NR1H3: variants seen among roughly 807,000 people sequenced by gnomAD.
The protein encoded by NR1H3 is oxysterols receptor LXR-alpha.
A neutral mutation model predicts 48.1 loss-of-function variants in NR1H3; 19 were observed. The ratio of observed to expected loss-of-function variants is 0.40; its 90% CI spans 0.28 to 0.58. NR1H3 has a LOEUF of 0.58. Among genes scored for constraint, NR1H3 ranks in the 20% least tolerant of loss-of-function variants. The pLI is 0.50. For missense variants in NR1H3, 486 were observed against 595.9 expected (o/e 0.82, Z 1.92); for synonymous variants, 232 against 227.3 (o/e 1.02, Z -0.19).
chr11:47,263,416 A>C (rs865962706), intron 7 of NR1H3, among the ~76,000 whole-genome samples: 81 of 151,632 alleles, frequency 5.3e-4, no homozygotes, highest in African/African-American at 1.9e-3. Flanking sequence ...GGCATGCACC[A>C]CCATGCCAGG....
chr11:47,264,000 A>G (rs1392616933), intron 7 of NR1H3, among the ~76,000 whole-genome samples: 1 of 152,200 alleles, frequency 6.6e-6, no homozygotes, highest in Non-Finnish European at 1.5e-5. Flanking sequence ...GAATGCTTCC[A>G]TCTCCATCCT....
At chr11:47,262,324 A>T (rs1001973575) in intron 7 of NR1H3, among the ~76,000 whole-genome samples, 1 of 147,250 alleles carries the variant, frequency 6.8e-6, no homozygotes, top group Non-Finnish European at 1.5e-5. Flanking sequence ...GGTTGTAGTG[A>T]GCCAAGATCG....
At chr11:47,268,049 A>AACAGCAAGAGACTT in intron 8 of NR1H3, 23 bp downstream of exon 8, 1 of 1,576,818 alleles carries the variant, frequency 6.3e-7, no homozygotes, top group Non-Finnish European at 8.7e-7. Flanking sequence ...GGCAATGGGA[A>AACAGCAAGAGACTT]ACAGCAAGAG....
At chr11:47,255,850 G>A (rs1955122992), upstream of NR1H3, among the ~76,000 whole-genome samples, 1 of 150,844 alleles carries the variant, frequency 6.6e-6, no homozygotes, top group Admixed American at 6.6e-5. Context: ...TGTATTTTTA[G>A]TAGTGATGGG....
chr11:47,267,831 C>G, intron 7 of NR1H3, 82 bp from the exon 8 acceptor site: 1 of 985,036 alleles, frequency 1.0e-6, no homozygotes, highest in East Asian at 2.4e-5. Context: ...TTAGTGAGTT[C>G]CTAATAGTTC....
chr11:47,248,497 G>A, upstream of NR1H3: 1 of 1,550,498 alleles, frequency 6.4e-7, no homozygotes, highest in Non-Finnish European at 8.7e-7. Context: ...CGACGTATTC[G>A]GTCATCCTGA....
intron 7 of NR1H3, among the ~76,000 whole-genome samples, chr11:47,265,154 C>T (rs561080879): frequency 2.6e-5 from 4 of 152,088 alleles, no homozygotes; most frequent in Non-Finnish European, 4.4e-5. Context: ...ATTAGCTGGG[C>T]GTGGTGGTGC....
At chr11:47,255,531 CTTTCTTTCTT>C (rs1954998329), upstream of NR1H3, among the ~76,000 whole-genome samples, 1 of 132,056 alleles carries the variant, frequency 7.6e-6, no homozygotes. Context: ...GACTCTCTTT[CTTTCTTTCTT>C]TTTCTTTCTT....
intron 7 of NR1H3, among the ~76,000 whole-genome samples, chr11:47,266,676 C>T (rs1277145250): frequency 2.7e-5 from 4 of 148,860 alleles, no homozygotes; most frequent in African/African-American, 9.9e-5. Context: ...GAGTTTCGCT[C>T]TGTCATCCAG....
At chr11:47,265,226 G>C (rs1956339963) in intron 7 of NR1H3, among the ~76,000 whole-genome samples, 1 of 152,034 alleles carries the variant, frequency 6.6e-6, no homozygotes, top group Non-Finnish European at 1.5e-5. Context: ...CCAGAAGGCT[G>C]AGGTTGCAGT....
At chr11:47,248,864 C>A (rs889584166), upstream of NR1H3, 14 of 1,550,916 alleles carry the variant, frequency 9.0e-6, no homozygotes, top group Non-Finnish European at 1.1e-5. Flanking sequence ...CGGACGCACC[C>A]GTAAGGACAC....
At chr11:47,264,760 G>A (rs1236901601) in intron 7 of NR1H3, among the ~76,000 whole-genome samples, 2 of 152,176 alleles carry the variant, frequency 1.3e-5, no homozygotes, top group Non-Finnish European at 2.9e-5. Context: ...TGAGGTCTTG[G>A]GGAGAAGGAA....
chr11:47,257,948 T>C (rs1441943335), upstream of NR1H3: 2 of 984,970 alleles, frequency 2.0e-6, no homozygotes, highest in Non-Finnish European at 2.4e-6. Flanking sequence ...CCCTCGGCAG[T>C]CCCTCCCCTC....
At chr11:47,265,904 C>T (rs1226015156) in intron 7 of NR1H3, among the ~76,000 whole-genome samples, 2 of 152,128 alleles carry the variant, frequency 1.3e-5, no homozygotes, top group South Asian at 2.1e-4. Flanking sequence ...TTTACAAACA[C>T]TTATGTGGTA....
chr11:47,254,465 T>C (rs1411470732), upstream of NR1H3, among the ~76,000 whole-genome samples: 2 of 152,088 alleles, frequency 1.3e-5, no homozygotes, highest in African/African-American at 2.4e-5. Context: ...GAGTCCCTGG[T>C]TTCTGCTTTT....
upstream of NR1H3, chr11:47,257,790 A>G (rs1955331650): frequency 1.1e-6 from 1 of 884,674 alleles, no homozygotes; most frequent in South Asian, 5.3e-5. Flanking sequence ...GGGAAATGCC[A>G]CTGTTTTGGC....
At chr11:47,255,615 CTCTTTCTTTCTT>C (rs71042664), upstream of NR1H3, among the ~76,000 whole-genome samples, 696 of 93,142 alleles carry the variant, frequency 7.5e-3, 13 homozygotes, top group African/African-American at 0.031. Context: ...CTCTCTCTCT[CTCTTTCTTTCTT>C]TCTTTCTTTC....
At chr11:47,259,386 C>G in intron 2 of NR1H3, 127 bp downstream of exon 2, 1 of 1,594,732 alleles carries the variant, frequency 6.3e-7, no homozygotes, top group Non-Finnish European at 8.6e-7. Flanking sequence ...CATTCTTAGT[C>G]GTGCTTGCCT....
chr11:47,258,928 C>A (rs1955504532), intron 1 of NR1H3: 1 of 486,850 alleles, frequency 2.1e-6, no homozygotes, highest in Non-Finnish European at 3.5e-6. Context: ...ATAATCCCCA[C>A]ACTTTGGGAG....
Sources: allele counts gnomAD v4.1 joint callset (sites outside exome capture counted in the v4.1 genomes callset), GRCh38; gene constraint gnomAD v4.1.1; transcripts MANE v1.5; gene names NCBI Gene and HGNC (gene_info 2026-07-23, HGNC 2026-07-21).